The following MGAT4C variants were observed in gnomAD, a reference collection of about 807,000 sequenced individuals.
MGAT4C encodes the protein MGAT4 family member C, also known as alpha-1,3-mannosyl-glycoprotein 4-beta-N-acetylglucosaminyltransferase C.
MGAT4C carries 19 observed loss-of-function variants against 40.1 expected under a neutral mutation model. The ratio of observed to expected loss-of-function variants is 0.47; its 90% CI spans 0.33 to 0.70. The LOEUF (loss-of-function observed/expected upper bound fraction) is 0.70, where lower values mean the gene tolerates loss of function less well. MGAT4C is among the 30% of genes least tolerant of loss of function. The pLI is 0.02. For synonymous variants in MGAT4C, 181 were observed against 187.1 expected, an observed-to-expected ratio of 0.97 and a Z score of 0.27; for missense variants, 491 against 563.2, an observed-to-expected ratio of 0.87 and a Z score of 1.30.
At position 85,979,560 on chromosome 12, in the gene MGAT4C, A is replaced by T; in HGVS notation, c.1166T>A (p.Ile389Lys). 1 of 1,607,814 alleles carries T rather than the reference A, an allele frequency of 6.2e-7. No homozygotes were observed. The highest frequency in any genetic ancestry group is 8.5e-7 in the Non-Finnish European group (1 of 1,177,450). The change falls in exon 5 of 5, where the codon ATA becomes AAA. Residue 389 changes from isoleucine to lysine, a missense_variant. Transcript: ENST00000611864. ...FVIVFENPII[I>K]KKIKVNTGTE... is the part of the protein sequence containing the mutation. ...TCCAGTATTTACTTTAATTTTTTTT[A>T]TTATAATTGGATTTTCAAATACAAT...
At chr12:86,271,017 A>C (rs1952932094) in intron 4 of MGAT4C, among the ~76,000 whole-genome samples, 1 of 152,348 alleles carries the variant, frequency 6.6e-6, no homozygotes, top group East Asian at 1.9e-4. Flanking sequence ...CAATTAACTT[A>C]CAACAAATTA....
At chr12:86,558,023 A>G (rs1406622615) in intron 2 of MGAT4C, among the ~76,000 whole-genome samples, 3 of 152,080 alleles carry the variant, frequency 2.0e-5, no homozygotes, top group Non-Finnish European at 2.9e-5. Flanking sequence ...AGATGTAATA[A>G]AAAGCAACCA....
chr12:86,543,956 T>C (rs190949067), intron 2 of MGAT4C, among the ~76,000 whole-genome samples: 22 of 152,234 alleles, frequency 1.4e-4, no homozygotes, highest in African/African-American at 5.1e-4. Flanking sequence ...ATTTTCTACA[T>C]GGACTCCTCA....
At chr12:86,239,256 C>T (rs1477930869) in intron 1 of MGAT4C, among the ~76,000 whole-genome samples, 1 of 151,898 alleles carries the variant, frequency 6.6e-6, no homozygotes, top group East Asian at 1.9e-4. Context: ...ATGAATCTGG[C>T]TTTGATAACA....
At position 86,304,467 on chromosome 12, in the gene MGAT4C, A is replaced by G. The variant is rs918964180; in HGVS notation, c.-57+29598T>C. On this transcript the variant is annotated intron_variant, in intron 4 of 7. Transcript: ENST00000548651. The stretch of plus-strand genomic sequence containing the variant: ...AAATCAAAAATTTATACTTATTCCA[A>G]CTGTCAAAACTTATATGCATCATCA... 8.6e-5 allele frequency among the ~76,000 whole-genome samples: 13 copies of G among 150,638 alleles called. 1 individual carries two copies. The highest frequency in any genetic ancestry group is 7.2e-4 in the Admixed American group (11 of 15,220).
chr12:86,328,427 C>T (rs61627678), intron 4 of MGAT4C, among the ~76,000 whole-genome samples: 1 of 151,718 alleles, frequency 6.6e-6, no homozygotes, highest in East Asian at 1.9e-4. Flanking sequence ...TCTATGGAAT[C>T]GACAATAACA....
At chr12:86,782,512 A>G (rs1448108030) in intron 1 of MGAT4C, among the ~76,000 whole-genome samples, 3 of 152,000 alleles carry the variant, frequency 2.0e-5, no homozygotes, top group Admixed American at 1.3e-4. Context: ...ATTAGGATTT[A>G]TTTGGAATAG....
intron 1 of MGAT4C, among the ~76,000 whole-genome samples, chr12:86,795,291 A>G (rs2136197020): frequency 6.6e-6 from 1 of 152,058 alleles, no homozygotes; most frequent in East Asian, 1.9e-4. Flanking sequence ...AGAGTGGAGA[A>G]AAATAACCTG....
intron 1 of MGAT4C, among the ~76,000 whole-genome samples, chr12:86,081,177 TA>T (rs1402515237): frequency 6.6e-6 from 1 of 151,892 alleles, no homozygotes; most frequent in Non-Finnish European, 1.5e-5. Flanking sequence ...TAGTGAAATA[TA>T]AAAAAAAGAC....
rs1462138812 is a variant in MGAT4C, at chr12:86,157,648, C to T, written c.-57+98591G>A. On this transcript the variant is annotated intron_variant, in intron 1 of 4. Transcript: ENST00000611864. ...AAGAGATTTAATTGATGTACAATTC[C>T]ACATGGTTTTGGAGGCCTCAGGAAA... 7.2e-5 allele frequency among the ~76,000 whole-genome samples: 11 copies of T among 151,782 alleles called. No homozygotes were observed. The East Asian group carries it at 1.9e-3, about 27-fold the overall frequency.
At chr12:86,310,158 T>C (rs1954034087) in intron 4 of MGAT4C, among the ~76,000 whole-genome samples, 1 of 152,044 alleles carries the variant, frequency 6.6e-6, no homozygotes, top group South Asian at 2.1e-4. Context: ...AACTCAATTT[T>C]TTTTTTTTTT....
At chr12:86,307,198 CTG>C (rs1461571570) in intron 4 of MGAT4C, among the ~76,000 whole-genome samples, 1 of 110,840 alleles carries the variant, frequency 9.0e-6, no homozygotes, top group Non-Finnish European at 1.9e-5. Context: ...TGCTAAATGT[CTG>C]TATTTATTAT....
chr12:86,407,056 T>C (rs781620009), intron 3 of MGAT4C, among the ~76,000 whole-genome samples: 2 of 152,102 alleles, frequency 1.3e-5, no homozygotes, highest in African/African-American at 4.8e-5. Flanking sequence ...ATTTCCCCTA[T>C]GGATTGAATT....
In MGAT4C at chr12:86,071,954, A is replaced by T. The variant is rs375439388; in HGVS notation, c.-56-22231T>A. On this transcript the variant is annotated intron_variant, in intron 1 of 4. Coordinates refer to ENST00000611864, the MANE Select transcript of MGAT4C (RefSeq NM_001351288.2). ...GAAATGGCAACAAACATAAAAGCCA[A>T]TCTCTTGCTCTCATTAGCTTTCATT... Among the ~76,000 whole-genome samples the T allele has an allele frequency of 2.9e-4, 44 of 152,040 alleles. No individual in the cohort carries two copies. The South Asian group carries it at 8.5e-3, about 29-fold the overall frequency.
At chr12:86,469,003 T>C (rs1957720846) in intron 2 of MGAT4C, among the ~76,000 whole-genome samples, 1 of 152,164 alleles carries the variant, frequency 6.6e-6, no homozygotes, top group Admixed American at 6.5e-5. Flanking sequence ...ATTATCCAAT[T>C]TAATTATTTT....
intron 1 of MGAT4C, among the ~76,000 whole-genome samples, chr12:86,079,958 G>A (rs1870518237): frequency 6.6e-6 from 1 of 151,612 alleles, no homozygotes; most frequent in African/African-American, 2.4e-5. Context: ...CTCTTTCTCT[G>A]TCACCTTCTT....
At chr12:86,087,992 C>G (rs1003621655) in intron 1 of MGAT4C, among the ~76,000 whole-genome samples, 1 of 151,682 alleles carries the variant, frequency 6.6e-6, no homozygotes, top group African/African-American at 2.4e-5. Context: ...GTATTATAAG[C>G]GTACAGTAAT....
chr12:86,712,750 G>C (rs1408570358), intron 2 of MGAT4C, among the ~76,000 whole-genome samples: 2 of 152,156 alleles, frequency 1.3e-5, no homozygotes, highest in East Asian at 3.9e-4. Context: ...CAGGTACCAG[G>C]AAGGAAAAGC....
At chr12:86,814,301 CGT>C (rs1218425892) in intron 1 of MGAT4C, among the ~76,000 whole-genome samples, 11 of 6,846 alleles carry the variant, frequency 1.6e-3, no homozygotes, top group South Asian at 6.6e-3. Flanking sequence ...TATACATATA[CGT>C]ATATATATAC....
Sources: gnomAD v4.1 joint callset for allele counts (sites outside exome capture counted in the v4.1 genomes callset) on GRCh38, gnomAD v4.1.1 for gene constraint, MANE v1.5 for transcripts, NCBI Gene and HGNC (gene_info 2026-07-23, HGNC 2026-07-21) for gene names.